AGPAT5: variants seen among roughly 807,000 people sequenced by gnomAD.
The protein encoded by AGPAT5 is 1-acylglycerol-3-phosphate O-acyltransferase 5.
AGPAT5 carries 46 observed loss-of-function variants against 45.6 expected under a neutral mutation model. The ratio of observed to expected loss-of-function variants is 1.01; its 90% CI spans 0.80 to 1.29. AGPAT5 has a LOEUF of 1.29. Ranked by LOEUF, AGPAT5 falls within the 50% of genes most tolerant of loss-of-function variation. AGPAT5 has a pLI of 0.00. For synonymous variants in AGPAT5, 272 were observed against 167.0 expected, an observed-to-expected ratio of 1.63 and a Z score of -4.85; for missense variants, 673 against 450.7, an observed-to-expected ratio of 1.49 and a Z score of -4.47.
intron 4 of AGPAT5, among the ~76,000 whole-genome samples, chr8:6,734,680 TG>T (rs1587033006): frequency 6.6e-6 from 1 of 152,168 alleles, no homozygotes; most frequent in African/African-American, 2.4e-5. Flanking sequence ...TGCCTAACGC[TG>T]GGCCTTTTTT....
At chr8:6,727,633 G>A (rs1024336310) in intron 2 of AGPAT5, among the ~76,000 whole-genome samples, 8 of 152,114 alleles carry the variant, frequency 5.3e-5, no homozygotes, top group African/African-American at 1.4e-4. Flanking sequence ...TGCCTGCCTC[G>A]GCCTCCCAAA....
At chr8:6,739,467 T>C (rs1242657217) in intron 4 of AGPAT5, among the ~76,000 whole-genome samples, 1 of 152,112 alleles carries the variant, frequency 6.6e-6, no homozygotes, top group Non-Finnish European at 1.5e-5. Context: ...CTCAGTGTGT[T>C]TTGTAGTTTA....
rs190618026 is a variant in AGPAT5 at position 6,760,368 on chromosome 8, A to G, written c.*2980A>G. On this transcript the variant is annotated 3_prime_UTR_variant, in exon 8 of 8. Transcript: ENST00000285518. Reference sequence around the variant, plus strand: ...AGCCATGGACATACCACTGCACTACAGCCTAGGTAACAGCACGAGACCCCA... The same window carrying G: ...AGCCATGGACATACCACTGCACTACGGCCTAGGTAACAGCACGAGACCCCA... Among the ~76,000 whole-genome samples, 43 of 152,314 alleles carry G rather than the reference A, an allele frequency of 2.8e-4. No homozygotes were observed. The highest frequency in any genetic ancestry group is 2.7e-3 in the Admixed American group (41 of 15,298).
chr8:6,738,462 A>C (rs1185535413), intron 4 of AGPAT5: 1 of 152,228 alleles, frequency 6.6e-6, no homozygotes, highest in East Asian at 1.9e-4. Flanking sequence ...AACAATTACA[A>C]TAGTAACATC....
chr8:6,742,570 C>T (rs990096369), intron 5 of AGPAT5, among the ~76,000 whole-genome samples: 4 of 152,178 alleles, frequency 2.6e-5, no homozygotes, highest in African/African-American at 9.6e-5. Context: ...GAACTTTCTG[C>T]AATAATGGTA....
At chr8:6,747,497 A>G (rs1381591577) in intron 5 of AGPAT5, among the ~76,000 whole-genome samples, 173 bp from the exon 6 acceptor site, 1 of 152,264 alleles carries the variant, frequency 6.6e-6, no homozygotes, top group African/African-American at 2.4e-5. Flanking sequence ...ATTTAAACAG[A>G]AAAAGGCAAG....
intron 4 of AGPAT5, among the ~76,000 whole-genome samples, chr8:6,733,822 G>T (rs559679083): frequency 1.3e-5 from 2 of 152,302 alleles, no homozygotes; most frequent in African/African-American, 4.8e-5. Context: ...TTCCTTCTGT[G>T]TCCTGCTGTG....
intron 7 of AGPAT5, among the ~76,000 whole-genome samples, chr8:6,755,654 A>G (rs1047395966): frequency 1.3e-5 from 2 of 152,172 alleles, no homozygotes; most frequent in Admixed American, 1.3e-4. Context: ...GTTATATCCA[A>G]AGTGTCTTCT....
At chr8:6,712,996 G>T (rs1015673466) in intron 1 of AGPAT5, among the ~76,000 whole-genome samples, 1 of 152,154 alleles carries the variant, frequency 6.6e-6, no homozygotes, top group African/African-American at 2.4e-5. Flanking sequence ...AATAGATTGG[G>T]GTTTGGGTTT....
chr8:6,709,578 G>A (rs1586992664), intron 1 of AGPAT5: 1 of 151,608 alleles, frequency 6.6e-6, no homozygotes, highest in African/African-American at 2.4e-5. Context: ...AAAAAAAAAG[G>A]TGAATTTTTC....
intron 1 of AGPAT5, among the ~76,000 whole-genome samples, chr8:6,710,046 A>G (rs543947698): frequency 2.6e-5 from 4 of 152,312 alleles, no homozygotes; most frequent in South Asian, 2.1e-4. Context: ...GATTTTTATC[A>G]TGATTAAGTT....
At chr8:6,737,855 T>A (rs1231985387) in intron 4 of AGPAT5, among the ~76,000 whole-genome samples, 1 of 152,220 alleles carries the variant, frequency 6.6e-6, no homozygotes, top group Non-Finnish European at 1.5e-5. Context: ...AGAGACGGCT[T>A]CTTTCCTTAA....
Position 6,744,800 on chromosome 8 carries a change from C to G in AGPAT5, c.587-2870C>G, listed in dbSNP as rs538448728. 2.6e-5 allele frequency among the ~76,000 whole-genome samples: 4 copies of G among 152,326 alleles called. No homozygotes were observed. The South Asian group carries it at 8.3e-4, about 32-fold the overall frequency. On this transcript the variant is annotated intron_variant, in intron 5 of 7. Transcript: ENST00000285518. ...GGGCCTTCTGCAGCTCTTGTCTGCC[C>G]CAGCCCCGGGGTCTGCCCATCCCAG...
intron 2 of AGPAT5, 69 bp from the exon 3 acceptor site, chr8:6,730,642 T>C (rs1587024467): frequency 1.1e-6 from 1 of 899,120 alleles, no homozygotes; most frequent in Non-Finnish European, 1.8e-6. Flanking sequence ...CATAGTACTT[T>C]TGAAGCCCAT....
intron 1 of AGPAT5, among the ~76,000 whole-genome samples, chr8:6,714,994 A>G (rs533870367): frequency 6.6e-6 from 1 of 152,254 alleles, no homozygotes; most frequent in African/African-American, 2.4e-5. Flanking sequence ...TAGTGGTTGG[A>G]CCATTCAATA....
intron 1 of AGPAT5, among the ~76,000 whole-genome samples, chr8:6,716,366 C>G (rs1427674520): frequency 6.6e-6 from 1 of 152,046 alleles, no homozygotes; most frequent in South Asian, 2.1e-4. Flanking sequence ...CGAGACCAGT[C>G]TGGCCAACAT....
In AGPAT5 at chr8:6,755,132, A is replaced by G. The variant is rs550269011; in HGVS notation, c.827A>G (p.His276Arg). The G allele has an allele frequency of 8.1e-6, 13 of 1,609,140 alleles. No homozygotes were observed. The Admixed American group carries it at 1.0e-4, about 13-fold the overall frequency. ...AAAGATGTCCCAGAAGAACAAGAAC[A>G]TATGAGAAGATGGCTGCATGAACGT... ...DKKDVPEEQE[H>R]MRRWLHERFE... The change falls in exon 7 of 8, where the codon CAT becomes CGT. Residue 276 changes from histidine to arginine, a missense_variant. Physicochemically the swap from His to Arg is conservative, Grantham distance 29. Coordinates refer to ENST00000285518, the MANE Select transcript of AGPAT5 (RefSeq NM_018361.5).
Position 6,719,719 on chromosome 8 carries a change from A to G in AGPAT5, c.220-5151A>G, listed in dbSNP as rs940584227. 7.2e-5 allele frequency among the ~76,000 whole-genome samples: 11 copies of G among 152,362 alleles called. No homozygotes were observed. The South Asian group carries it at 8.3e-4, about 12-fold the overall frequency. ...ACTGTTGGAACCAAATTCATTATTT[A>G]CATTTTCAACAAGATCTGGAAGATC... On this transcript the variant is annotated intron_variant, in intron 1 of 7. Coordinates refer to ENST00000285518, the MANE Select transcript of AGPAT5 (RefSeq NM_018361.5).
rs1451986006 is a variant in AGPAT5 at position 6,761,050 on chromosome 8, T to C, written c.*3662T>C. 7.2e-5 allele frequency among the ~76,000 whole-genome samples: 11 copies of C among 152,198 alleles called. No individual in the cohort carries two copies. Among genetic ancestry groups the C allele is most frequent in the Admixed American group, 7.2e-4 (11 of 15,266 alleles). ...TATTCCTGTAGCAACTGGGGAGTCA[T>C]ATATGAGGTCAAAGACATATACCTT... On this transcript the variant is annotated 3_prime_UTR_variant, in exon 8 of 8. Coordinates refer to ENST00000285518, the MANE Select transcript of AGPAT5 (RefSeq NM_018361.5).
Sources: gnomAD v4.1 joint callset for allele counts (sites outside exome capture counted in the v4.1 genomes callset) on GRCh38, gnomAD v4.1.1 for gene constraint, MANE v1.5 for transcripts, NCBI Gene and HGNC (gene_info 2026-07-23, HGNC 2026-07-21) for gene names.